ARID4B: variants seen among roughly 807,000 people sequenced by gnomAD.
ARID4B encodes AT-rich interactive domain-containing protein 4B.
In ARID4B, 26 loss-of-function variants were observed where a neutral mutation model predicts 147.5. The ratio of observed to expected loss-of-function variants is 0.18; its 90% CI spans 0.13 to 0.24. The LOEUF (loss-of-function observed/expected upper bound fraction) is 0.24, where lower values mean the gene tolerates loss of function less well. Among genes scored for constraint, ARID4B ranks in the 10% least tolerant of loss-of-function variants. The pLI is 1.00. For missense variants in ARID4B, 1,179 were observed against 1,511.5 expected, an observed-to-expected ratio of 0.78 and a Z score of 3.65; for synonymous variants, 512 against 507.9, an observed-to-expected ratio of 1.01 and a Z score of -0.11.
At chr1:235,315,410 G>A (rs1470177793) in intron 2 of ARID4B, among the ~76,000 whole-genome samples, 4 of 152,080 alleles carry the variant, frequency 2.6e-5, no homozygotes, top group Non-Finnish European at 4.4e-5. Flanking sequence ...AACCTGGGCC[G>A]CAGAACAAGG....
At chr1:235,216,741 G>A (rs1252638266) in intron 16 of ARID4B, among the ~76,000 whole-genome samples, 2 of 151,822 alleles carry the variant, frequency 1.3e-5, no homozygotes, top group African/African-American at 2.4e-5. Context: ...ACAGAAATGG[G>A]ATTATCAATG....
chr1:235,306,075 T>C (rs1377553189), intron 2 of ARID4B, among the ~76,000 whole-genome samples: 1 of 152,116 alleles, frequency 6.6e-6, no homozygotes, highest in South Asian at 2.1e-4. Flanking sequence ...AATTACAGCA[T>C]AAAGAACATG....
chr1:235,292,164 A>G lies in ARID4B; in HGVS notation c.7-31412T>C, dbSNP rs186666006. ...CATTTCGTTACATATTATATTTCAT[A>G]TGATTTTGCAATCATCCTGATTGTC... On this transcript the variant is annotated intron_variant, in intron 2 of 23. Coordinates refer to ENST00000264183, the MANE Select transcript of ARID4B (RefSeq NM_016374.6). 9.2e-5 allele frequency among the ~76,000 whole-genome samples: 14 copies of G among 152,338 alleles called. 1 individual carries two copies. The highest frequency in any genetic ancestry group is 2.6e-4 in the Admixed American group (4 of 15,294).
chr1:235,322,750 T>C (rs948652288), intron 2 of ARID4B, among the ~76,000 whole-genome samples: 4 of 152,196 alleles, frequency 2.6e-5, no homozygotes, highest in Middle Eastern at 3.4e-3. Flanking sequence ...TTACCTGATA[T>C]ATGAAACGGG....
chr1:235,300,796 AC>A (rs887290737), intron 2 of ARID4B, among the ~76,000 whole-genome samples: 2 of 151,752 alleles, frequency 1.3e-5, no homozygotes, highest in African/African-American at 2.4e-5. Context: ...TGCAACCTCC[AC>A]CTCCCAGGTT....
intron 2 of ARID4B, among the ~76,000 whole-genome samples, chr1:235,310,606 T>C (rs948371801): frequency 6.6e-6 from 1 of 152,218 alleles, no homozygotes; most frequent in Non-Finnish European, 1.5e-5. Context: ...ATAAACTATA[T>C]ATTCTGACTT....
chr1:235,182,868 A>C, intron 19 of ARID4B, 75 bp from the exon 20 acceptor site: 1 of 1,433,930 alleles, frequency 7.0e-7, no homozygotes, highest in Non-Finnish European at 9.3e-7. Flanking sequence ...CAGGGACTGT[A>C]TATATTAGGT....
intron 1 of ARID4B, 152 bp downstream of exon 1, chr1:235,327,617 T>A (rs1675420933): frequency 6.6e-6 from 1 of 152,202 alleles, no homozygotes; most frequent in South Asian, 2.1e-4. Flanking sequence ...ACACAGCGGC[T>A]GCGGGGGGTG....
At chr1:235,255,267 A>AGATCTATCTATC (rs1553304359) in intron 5 of ARID4B, among the ~76,000 whole-genome samples, 55 of 137,238 alleles carry the variant, frequency 4.0e-4, no homozygotes, top group Admixed American at 2.4e-3. Flanking sequence ...AGATAGATAT[A>AGATCTATCTATC]TATCTCTCTC....
At chr1:235,179,849 T>C (rs914674708) in intron 20 of ARID4B, among the ~76,000 whole-genome samples, 1 of 152,000 alleles carries the variant, frequency 6.6e-6, no homozygotes, top group Non-Finnish European at 1.5e-5. Flanking sequence ...GGCAGGCAGA[T>C]CATGAGGTCA....
chr1:235,234,436 A>C lies in ARID4B; in HGVS notation c.642T>G (p.Val214=). The C allele has an allele frequency of 1.9e-6, 3 of 1,606,020 alleles. No individual in the cohort carries two copies. Among genetic ancestry groups the C allele is most frequent in the Non-Finnish European group, 2.6e-6 (3 of 1,174,308 alleles). Reference sequence around the variant, plus strand: ...ACAATTTTCCATCTTTGAAAGATCGAACAAGAATATTGTCCTTTTTTACAG... The same window carrying C: ...ACAATTTTCCATCTTTGAAAGATCGCACAAGAATATTGTCCTTTTTTACAG... ...EIAVKKDNIL[V]RSFKDGKFTS... Residue 214 remains valine (V), a synonymous_variant, in exon 9 of 24, where the codon GTT becomes GTG. Transcript: ENST00000264183.
At chr1:235,226,526 A>G (rs1347042077) in intron 11 of ARID4B, among the ~76,000 whole-genome samples, 3 of 147,154 alleles carry the variant, frequency 2.0e-5, no homozygotes, top group Non-Finnish European at 4.5e-5. Flanking sequence ...ACGCCCAGCT[A>G]ATTTTTTTTT....
intron 2 of ARID4B, among the ~76,000 whole-genome samples, chr1:235,299,545 G>A (rs1361119907): frequency 1.3e-5 from 2 of 152,198 alleles, no homozygotes; most frequent in African/African-American, 2.4e-5. Flanking sequence ...AATAATAAAC[G>A]CTCAGAGTTC....
intron 2 of ARID4B, among the ~76,000 whole-genome samples, chr1:235,279,091 T>C (rs1016657166): frequency 3.9e-5 from 6 of 151,924 alleles, no homozygotes; most frequent in East Asian, 1.9e-4. Context: ...ACCTGGAAAT[T>C]TGTTAGAAAT....
chr1:235,256,066 C>G (rs781726172), intron 4 of ARID4B, among the ~76,000 whole-genome samples: 1 of 149,890 alleles, frequency 6.7e-6, no homozygotes, highest in Non-Finnish European at 1.5e-5. Flanking sequence ...CCCAGCTACT[C>G]GGGAGGCTGA....
chr1:235,260,650 T>C lies in ARID4B; in HGVS notation c.109A>G (p.Lys37Glu). Residue 37 changes from lysine (K) to glutamate (E), a missense_variant, in exon 3 of 24, where the codon AAA becomes GAA. By Grantham distance (56) the Lys-to-Glu change is moderately conservative. Around this residue, in one of 10 missense-constraint regions of ARID4B, gnomAD observed 56 missense variants for 99.2 expected, o/e 0.56. Coordinates refer to ENST00000264183, the MANE Select transcript of ARID4B (RefSeq NM_016374.6). ...ATCTATAAATACTGTACCTTGACTT[T>C]GACAAGTCTTTTTGCTGTCTTGATC... The part of the protein sequence containing the change: ...AKIKTAKRLV[K>E]VKVTFRHDSS... The C allele has an allele frequency of 6.2e-7, 1 of 1,602,368 alleles. No homozygotes were observed. Among genetic ancestry groups the C allele is most frequent in the Non-Finnish European group, 8.5e-7 (1 of 1,173,786 alleles).
At chr1:235,283,055 C>T (rs1311187616) in intron 2 of ARID4B, among the ~76,000 whole-genome samples, 3 of 152,142 alleles carry the variant, frequency 2.0e-5, no homozygotes, top group Non-Finnish European at 2.9e-5. Context: ...GGATTACAGG[C>T]GTGAGCCACC....
At chr1:235,289,783 A>G (rs1429211458) in intron 2 of ARID4B, among the ~76,000 whole-genome samples, 2 of 151,982 alleles carry the variant, frequency 1.3e-5, no homozygotes, top group East Asian at 3.9e-4. Flanking sequence ...ACATAAAAGG[A>G]TATTTCATAT....
In ARID4B at chr1:235,256,128, C is replaced by T. The variant is rs565876028; in HGVS notation, c.184-378G>A. 1.4e-4 allele frequency among the ~76,000 whole-genome samples: 19 copies of T among 140,232 alleles called. No individual in the cohort carries two copies. In the South Asian group the frequency reaches 3.4e-3, roughly 25 times the overall value. 92.0% of individuals were successfully genotyped at this position (140,232 alleles called of 152,430 possible). A position where few individuals can be genotyped will look rare whatever the true frequency, so the allele number is the denominator to read the frequency against. ...GGTGGAGGTTGCAGTGAGCCGAGAT[C>T]GCGCCACTGCACTCCAGCCTGGGTG... On this transcript the variant is annotated intron_variant, in intron 4 of 23. Coordinates refer to ENST00000264183, the MANE Select transcript of ARID4B (RefSeq NM_016374.6).
Sources: gnomAD v4.1 joint callset for allele counts (sites outside exome capture counted in the v4.1 genomes callset) on GRCh38, gnomAD v4.1.1 for gene constraint, gnomAD v4.1.1 regional missense constraint, MANE v1.5 for transcripts, NCBI Gene and HGNC (gene_info 2026-07-23, HGNC 2026-07-21) for gene names.